The following CLIP2 variants were observed in gnomAD, a reference collection of about 807,000 sequenced individuals.
The protein encoded by CLIP2 is CAP-Gly domain-containing linker protein 2.
Under a neutral mutation model 111.7 loss-of-function variants are expected in CLIP2, and 41 were observed. The ratio of observed to expected loss-of-function variants is 0.37; its 90% CI spans 0.29 to 0.48. CLIP2 has a LOEUF of 0.48. CLIP2 is among the 20% of genes least tolerant of loss of function. The pLI, the probability that CLIP2 is intolerant of heterozygous loss-of-function variation, is 0.99. For missense variants in CLIP2, 1,160 were observed against 1,422.1 expected (o/e 0.82, Z 2.96); for synonymous variants, 660 against 644.2 (o/e 1.02, Z -0.37).
At chr7:74,401,873 C>A (rs1791629846) in intron 16 of CLIP2, among the ~76,000 whole-genome samples, 1 of 152,134 alleles carries the variant, frequency 6.6e-6, no homozygotes, top group Non-Finnish European at 1.5e-5. Flanking sequence ...TGAGACCAGC[C>A]TGGCCAATAT....
chr7:74,401,073 G>A (rs1273609563), intron 15 of CLIP2, among the ~76,000 whole-genome samples: 2 of 150,376 alleles, frequency 1.3e-5, no homozygotes, highest in Non-Finnish European at 3.0e-5. Context: ...ATCTGAAGAG[G>A]GAGGCAGCTC....
Position 74,338,997 on chromosome 7 carries a change from G to A in CLIP2, c.671G>A (p.Arg224His), listed in dbSNP as rs782782032. ...RGEKDLRLGD[R>H]VLVGGTKTGV... ...GAAAAGGACCTGCGCCTGGGGGACC[G>A]CGTGCTGGTGAGTGCGGGCAGTACT... is the stretch of plus-strand genomic sequence containing the variant. Residue 224 changes from arginine (R) to histidine (H), a missense_variant, in exon 3 of 17, where the codon CGC becomes CAC. By Grantham distance (29) the Arg-to-His change is conservative (BLOSUM62 0). Transcript: ENST00000223398. This position sits in a 1 kb window ranked among gnomAD's most constrained non-coding sequence, Gnocchi z 4.3. 2 of 1,596,668 alleles carry A rather than the reference G, an allele frequency of 1.3e-6. No homozygotes were observed. The highest frequency in any genetic ancestry group is 1.7e-6 in the Non-Finnish European group (2 of 1,178,568).
At chr7:74,298,679 C>T (rs1437388502) in intron 1 of CLIP2, among the ~76,000 whole-genome samples, 4 of 151,850 alleles carry the variant, frequency 2.6e-5, no homozygotes, top group Non-Finnish European at 5.9e-5. Flanking sequence ...ACTACAGGCA[C>T]GTGCCACCAC....
intron 1 of CLIP2, among the ~76,000 whole-genome samples, chr7:74,299,944 G>C (rs1004924716): frequency 1.3e-5 from 2 of 152,006 alleles, no homozygotes; most frequent in Admixed American, 1.3e-4. Flanking sequence ...TGATCCACCT[G>C]CCTTGGCCTC....
intron 1 of CLIP2, among the ~76,000 whole-genome samples, chr7:74,314,810 G>T (rs1788726229): frequency 6.6e-6 from 1 of 152,240 alleles, no homozygotes; most frequent in South Asian, 2.1e-4. Flanking sequence ...TAGTGGGGAA[G>T]AGGCCTGGGG....
intron 1 of CLIP2, among the ~76,000 whole-genome samples, chr7:74,313,125 G>A (rs1031610688): frequency 1.3e-5 from 2 of 151,874 alleles, no homozygotes; most frequent in Non-Finnish European, 2.9e-5. Flanking sequence ...GGACCAGCCT[G>A]GGCAACATAG....
intron 11 of CLIP2, among the ~76,000 whole-genome samples, chr7:74,385,122 C>CAAAAAAAAAA (rs71094780): frequency 2.2e-3 from 114 of 50,722 alleles, no homozygotes; most frequent in Non-Finnish European, 2.9e-3. Context: ...ATTAAAAATA[C>CAAAAAAAAAA]AAAAAAAAAA....
chr7:74,389,116 G>A lies in CLIP2; in HGVS notation c.2577G>A (p.Lys859=), dbSNP rs1554315330. ...GGCTGACCCCAGCGCTGGAGAGCAA[G>A]TGTAAGTCAGGCGAGAAGAAGGTGG... ...LRAQVSALES[K]CKSGEKKVDA... The change falls in exon 13 of 17, where the codon AAG becomes AAA. Residue 859 remains lysine, a synonymous_variant. Coordinates refer to ENST00000223398, the MANE Select transcript of CLIP2 (RefSeq NM_003388.5). The A allele has an allele frequency of 1.2e-6, 2 of 1,611,986 alleles. No individual in the cohort carries two copies. Among genetic ancestry groups the A allele is most frequent in the Middle Eastern group, 1.7e-4 (1 of 6,040 alleles).
intron 13 of CLIP2, among the ~76,000 whole-genome samples, chr7:74,394,772 C>T (rs1791401145): frequency 6.6e-6 from 1 of 152,252 alleles, no homozygotes; most frequent in African/African-American, 2.4e-5. Context: ...CTGCCCTCTG[C>T]AGATGCAGCC....
At chr7:74,361,763 CCT>C (rs1456308193) in intron 7 of CLIP2, among the ~76,000 whole-genome samples, 2 of 152,092 alleles carry the variant, frequency 1.3e-5, no homozygotes, top group Non-Finnish European at 2.9e-5. Context: ...CCTGAAATGC[CCT>C]GTGTCCAGGT....
chr7:74,324,545 G>A lies in CLIP2; in HGVS notation c.121+6878G>A, dbSNP rs571347981. Among the ~76,000 whole-genome samples, 14 of 152,246 alleles carry A rather than the reference G, an allele frequency of 9.2e-5. No individual in the cohort carries two copies. The South Asian group carries it at 2.9e-3, about 32-fold the overall frequency. ...TCCACCCTCAAAGCTGTCCCAGAGA[G>A]AGAAAGTGTCCCTCCGAGAATCCCC... On this transcript the variant is annotated intron_variant, in intron 2 of 16. Transcript: ENST00000223398.
rs112181311 is a variant in CLIP2, at chr7:74,332,972, C to T, written c.122-5476C>T. Among the ~76,000 whole-genome samples the T allele has an allele frequency of 5.4e-3, 830 of 152,300 alleles. 3 individuals are homozygous for T. The highest frequency in any genetic ancestry group is 0.016 in the African/African-American group (667 of 41,572). Reference sequence around the variant, plus strand: ...CCACCTCCACAGGCAGGGCAGGACCCGCGTCCTCGCAGGCGGAGGGGAGAA... The same window carrying T: ...CCACCTCCACAGGCAGGGCAGGACCTGCGTCCTCGCAGGCGGAGGGGAGAA... On this transcript the variant is annotated intron_variant, in intron 2 of 16. Coordinates refer to ENST00000223398, the MANE Select transcript of CLIP2 (RefSeq NM_003388.5).
intron 11 of CLIP2, among the ~76,000 whole-genome samples, chr7:74,381,794 G>T (rs1238914787): frequency 6.6e-6 from 1 of 152,154 alleles, no homozygotes; most frequent in Admixed American, 6.6e-5. Flanking sequence ...TGTGTATTTA[G>T]CTGGTTTCCG....
At chr7:74,320,968 T>C (rs1285698423) in intron 2 of CLIP2, among the ~76,000 whole-genome samples, 1 of 151,902 alleles carries the variant, frequency 6.6e-6, no homozygotes, top group Non-Finnish European at 1.5e-5. Context: ...GAGAGTCTTA[T>C]TGAACCTTCT....
intron 3 of CLIP2, among the ~76,000 whole-genome samples, chr7:74,339,666 A>G (rs1445949958): frequency 2.0e-5 from 3 of 152,150 alleles, no homozygotes; most frequent in East Asian, 3.8e-4. Context: ...CGTATCACTC[A>G]TTTAGACAGT....
At chr7:74,363,942 AAAG>A (rs1554310285) in intron 7 of CLIP2, among the ~76,000 whole-genome samples, 2 of 151,184 alleles carry the variant, frequency 1.3e-5, no homozygotes, top group Non-Finnish European at 2.9e-5. Context: ...GGAAGGAAAG[AAAG>A]AAGGAAAGAA....
At chr7:74,388,391 T>G (rs565790777) in intron 12 of CLIP2, among the ~76,000 whole-genome samples, 15 of 151,976 alleles carry the variant, frequency 9.9e-5, no homozygotes, top group African/African-American at 3.6e-4. Flanking sequence ...TCTCAGCTAC[T>G]TGGGAGGTTG....
At chr7:74,307,490 T>G (rs1445142963) in intron 1 of CLIP2, among the ~76,000 whole-genome samples, 2 of 152,112 alleles carry the variant, frequency 1.3e-5, no homozygotes, top group Admixed American at 6.6e-5. Context: ...AGGTTCGTTT[T>G]TTTGTTTTTG....
At chr7:74,302,445 C>T (rs1788366648) in intron 1 of CLIP2, among the ~76,000 whole-genome samples, 1 of 152,144 alleles carries the variant, frequency 6.6e-6, no homozygotes, top group Non-Finnish European at 1.5e-5. Flanking sequence ...GAACTCCTGA[C>T]CACAGGTGTT....
Sources: allele counts gnomAD v4.1 joint callset (sites outside exome capture counted in the v4.1 genomes callset), GRCh38; gene constraint gnomAD v4.1.1; non-coding constraint Gnocchi (gnomAD v3.1); transcripts MANE v1.5; gene names NCBI Gene and HGNC (gene_info 2026-07-23, HGNC 2026-07-21).